Variants in ZNF609 observed in about 807,000 individuals in gnomAD.
The protein encoded by ZNF609 is zinc finger protein 609.
A neutral mutation model predicts 109.5 loss-of-function variants in ZNF609; 11 were observed. That is an observed-to-expected ratio of 0.10 (90% CI 0.06 to 0.17). The LOEUF (loss-of-function observed/expected upper bound fraction) is 0.17. Ranked by LOEUF, ZNF609 falls within the 10% of genes least tolerant of loss-of-function variation. The probability of loss-of-function intolerance (pLI) is 1.00; values close to 1 mark genes in which losing one functional copy is unlikely to be tolerated. For synonymous variants in ZNF609, 646 were observed against 662.0 expected (o/e 0.98, Z 0.37); for missense variants, 1,559 against 1,772.4 (o/e 0.88, Z 2.16).
chr15:64,642,536 G>C (rs1822373545), intron 3 of ZNF609, among the ~76,000 whole-genome samples: 1 of 152,152 alleles, frequency 6.6e-6, no homozygotes, highest in Non-Finnish European at 1.5e-5. Context: ...ACTCACACTT[G>C]TCATCCTAGC....
chr15:64,530,412 G>A (rs569825590), intron 2 of ZNF609, among the ~76,000 whole-genome samples: 1 of 152,278 alleles, frequency 6.6e-6, no homozygotes, highest in Non-Finnish European at 1.5e-5. Flanking sequence ...CTACTTTATA[G>A]AGCAGAAGTG....
chr15:64,577,060 A>G (rs1767550616), intron 2 of ZNF609, among the ~76,000 whole-genome samples: 1 of 107,422 alleles, frequency 9.3e-6, no homozygotes, highest in African/African-American at 3.3e-5. Context: ...ATATATACAT[A>G]TATGTATATA....
intron 2 of ZNF609, among the ~76,000 whole-genome samples, chr15:64,621,967 C>G (rs1895883434): frequency 6.6e-6 from 1 of 152,044 alleles, no homozygotes; most frequent in African/African-American, 2.4e-5. Context: ...CTCAGGTGAT[C>G]TGCCCACCTC....
chr15:64,515,187 A>T (rs887873201), intron 2 of ZNF609, among the ~76,000 whole-genome samples: 1 of 152,198 alleles, frequency 6.6e-6, no homozygotes, highest in Non-Finnish European at 1.5e-5. Context: ...AAACTACTGT[A>T]CTACCTTTGA....
intron 3 of ZNF609, among the ~76,000 whole-genome samples, chr15:64,664,229 A>G (rs1397997481): frequency 6.6e-6 from 1 of 152,180 alleles, no homozygotes; most frequent in East Asian, 1.9e-4. Flanking sequence ...CTCTGTCTCA[A>G]AAATAATAAT....
chr15:64,596,972 A>G (rs1895407402), intron 2 of ZNF609, among the ~76,000 whole-genome samples: 1 of 152,118 alleles, frequency 6.6e-6, no homozygotes, highest in African/African-American at 2.4e-5. Flanking sequence ...GTTTTGAATT[A>G]ATATTTTATT....
chr15:64,646,509 C>T (rs113146752), intron 3 of ZNF609, among the ~76,000 whole-genome samples: 6,937 of 151,006 alleles, frequency 0.046, 528 homozygotes, highest in African/African-American at 0.16. Flanking sequence ...TGGCACACAC[C>T]TGTAACCCTA....
At chr15:64,527,737 T>C (rs1484724492) in intron 2 of ZNF609, among the ~76,000 whole-genome samples, 3 of 152,188 alleles carry the variant, frequency 2.0e-5, no homozygotes, top group African/African-American at 7.2e-5. Flanking sequence ...ACTAGAAACT[T>C]GTGAGTCATC....
At chr15:64,492,491 C>T (rs1009626043) in intron 1 of ZNF609, among the ~76,000 whole-genome samples, 1 of 152,168 alleles carries the variant, frequency 6.6e-6, no homozygotes, top group Non-Finnish European at 1.5e-5. Flanking sequence ...AGTTCATACA[C>T]TAGAACCTTA....
chr15:64,509,581 G>A (rs1390176087), intron 2 of ZNF609, among the ~76,000 whole-genome samples: 1 of 152,190 alleles, frequency 6.6e-6, no homozygotes, highest in African/African-American at 2.4e-5. Context: ...TTTCCAAGAA[G>A]GCTTCAGGGA....
intron 1 of ZNF609, among the ~76,000 whole-genome samples, chr15:64,469,464 A>AAGAAC (rs1320763735): frequency 2.7e-5 from 4 of 150,374 alleles, no homozygotes; most frequent in African/African-American, 9.8e-5. Flanking sequence ...ATTATGGTGG[A>AAGAAC]AGAACAGGAC....
At chr15:64,621,136 C>G (rs966652548) in intron 2 of ZNF609, among the ~76,000 whole-genome samples, 3 of 152,164 alleles carry the variant, frequency 2.0e-5, no homozygotes, top group African/African-American at 7.2e-5. Context: ...TTGGGAAAGT[C>G]CCAATCTTTG....
intron 2 of ZNF609, among the ~76,000 whole-genome samples, chr15:64,581,038 C>T (rs181224889): frequency 3.2e-4 from 39 of 121,248 alleles, no homozygotes; most frequent in Admixed American, 2.8e-3. Flanking sequence ...TTTTTAGAGA[C>T]GGGGGTCTCA....
At chr15:64,522,463 G>A (rs1221412320) in intron 2 of ZNF609, among the ~76,000 whole-genome samples, 1 of 152,114 alleles carries the variant, frequency 6.6e-6, no homozygotes, top group Non-Finnish European at 1.5e-5. Flanking sequence ...GGCCCTGCTT[G>A]GCTAGATTTT....
At chr15:64,523,253 A>G (rs758936346) in intron 2 of ZNF609, among the ~76,000 whole-genome samples, 24 of 152,296 alleles carry the variant, frequency 1.6e-4, no homozygotes, top group South Asian at 1.2e-3. Context: ...CTATACTATG[A>G]TGAATTATTA....
At chr15:64,566,480 A>G (rs1220208406) in intron 2 of ZNF609, among the ~76,000 whole-genome samples, 5 of 152,226 alleles carry the variant, frequency 3.3e-5, no homozygotes, top group African/African-American at 7.2e-5. Flanking sequence ...GTAGGTAGGT[A>G]CTTCAAAATA....
At chr15:64,547,467 A>G (rs967850091) in intron 2 of ZNF609, among the ~76,000 whole-genome samples, 4 of 152,222 alleles carry the variant, frequency 2.6e-5, no homozygotes, top group Admixed American at 2.0e-4. Context: ...TCTATGTAGA[A>G]TTGACATGGC....
At chr15:64,517,418 A>G (rs905410659) in intron 2 of ZNF609, among the ~76,000 whole-genome samples, 1 of 152,188 alleles carries the variant, frequency 6.6e-6, no homozygotes, top group Admixed American at 6.5e-5. Context: ...AACAGATCCT[A>G]TATGGGATGC....
chr15:64,603,178 G>T (rs1332638381), intron 2 of ZNF609, among the ~76,000 whole-genome samples: 1 of 151,426 alleles, frequency 6.6e-6, no homozygotes, highest in African/African-American at 2.4e-5. Context: ...CTACTGTTGT[G>T]TTCTTGCATC....
Sources: gnomAD v4.1 joint callset for allele counts (sites outside exome capture counted in the v4.1 genomes callset) on GRCh38, gnomAD v4.1.1 for gene constraint, MANE v1.5 for transcripts, NCBI Gene and HGNC (gene_info 2026-07-23, HGNC 2026-07-21) for gene names.